Variants in COL5A2 observed in about 807,000 individuals in gnomAD.
The protein encoded by COL5A2 is collagen type V alpha 2 chain.
A neutral mutation model predicts 208.2 loss-of-function variants in COL5A2; 23 were observed. The observed-to-expected ratio is 0.11, with a 90% CI of 0.08 to 0.16. The LOEUF (loss-of-function observed/expected upper bound fraction) is 0.16. Ranked by LOEUF, COL5A2 falls within the 10% of genes least tolerant of loss-of-function variation. The pLI is 1.00. For synonymous variants in COL5A2, 625 were observed against 628.5 expected, an observed-to-expected ratio of 0.99 and a Z score of 0.08; for missense variants, 1,590 against 1,956.4, an observed-to-expected ratio of 0.81 and a Z score of 3.53.
chr2:189,424,032 A>C, the COL5A2 span, among the ~76,000 whole-genome samples: 2 of 152,206 alleles, frequency 1.3e-5, no homozygotes, highest in African/African-American at 4.8e-5. Flanking sequence ...CCAGAAATGC[A>C]AGGATGATTC....
chr2:189,262,876 C>A, the COL5A2 span, among the ~76,000 whole-genome samples: 2 of 152,054 alleles, frequency 1.3e-5, no homozygotes, highest in Non-Finnish European at 2.9e-5. Flanking sequence ...CTGGTTATTG[C>A]AGATGCATTC....
At chr2:189,357,776 A>AAAAC in the COL5A2 span, among the ~76,000 whole-genome samples, 1 of 151,202 alleles carries the variant, frequency 6.6e-6, no homozygotes, top group East Asian at 1.9e-4. Flanking sequence ...AAAAAAAAAA[A>AAAAC]AAAACTCCTG....
At chr2:189,104,970 T>C (rs1687122361) in intron 2 of COL5A2, among the ~76,000 whole-genome samples, 1 of 151,820 alleles carries the variant, frequency 6.6e-6, no homozygotes, top group East Asian at 1.9e-4. Flanking sequence ...TCTATTTAAC[T>C]AATTTTGACC....
chr2:189,267,846 C>T, the COL5A2 span, among the ~76,000 whole-genome samples: 1 of 152,140 alleles, frequency 6.6e-6, no homozygotes, highest in Non-Finnish European at 1.5e-5. Flanking sequence ...GCCAACCAAA[C>T]CCACCACCAA....
At chr2:189,247,621 C>T in the COL5A2 span, among the ~76,000 whole-genome samples, 1 of 150,486 alleles carries the variant, frequency 6.6e-6, no homozygotes, top group East Asian at 1.9e-4. Context: ...TGCTGTGTTG[C>T]CCAGCTGGAG....
intron 25 of COL5A2, among the ~76,000 whole-genome samples, 196 bp downstream of exon 25, chr2:189,064,361 T>TA (rs766364550): frequency 6.3e-4 from 96 of 152,304 alleles, no homozygotes; most frequent in East Asian, 1.9e-4. Flanking sequence ...GACTAGAAGT[T>TA]ACCGTGTTTT....
the COL5A2 span, among the ~76,000 whole-genome samples, chr2:189,306,725 C>T: frequency 6.6e-6 from 1 of 152,198 alleles, no homozygotes; most frequent in African/African-American, 2.4e-5. Context: ...CATTGCTTTT[C>T]ACAGGGACTA....
At chr2:189,067,390 C>T (rs1263777803) in intron 21 of COL5A2, among the ~76,000 whole-genome samples, 1 of 152,002 alleles carries the variant, frequency 6.6e-6, no homozygotes, top group Admixed American at 6.5e-5. Flanking sequence ...GTCACCAGCA[C>T]TTTAAGAGAA....
the COL5A2 span, among the ~76,000 whole-genome samples, chr2:189,409,344 T>C: frequency 1.3e-5 from 2 of 151,710 alleles, no homozygotes; most frequent in Non-Finnish European, 1.5e-5. Context: ...CCTGAGTAAC[T>C]GTGACTACAG....
chr2:189,061,098 C>T (rs1686021197), intron 30 of COL5A2, among the ~76,000 whole-genome samples: 1 of 152,004 alleles, frequency 6.6e-6, no homozygotes, highest in African/African-American at 2.4e-5. Context: ...TTTTAGACTG[C>T]TAGAATATTA....
Position 189,045,970 on chromosome 2 carries a change from G to A in COL5A2, c.3202-63C>T, listed in dbSNP as rs1004344867. On this transcript the variant is annotated intron_variant, in intron 45 of 53. Transcript: ENST00000374866. ...ATTCTAAAACAACAATATTCCATAT[G>A]TTCATGTTATTCTTATAGTATTAAT... 4 of 1,398,396 alleles carry A rather than the reference G, an allele frequency of 2.9e-6. No homozygotes were observed. In the African/African-American group the frequency reaches 4.3e-5, roughly 15 times the overall value. 86.6% of individuals were successfully genotyped at this position (1,398,396 alleles called of 1,614,324 possible).
intron 1 of COL5A2, among the ~76,000 whole-genome samples, chr2:189,166,618 A>T (rs752582204): frequency 7.9e-5 from 12 of 152,208 alleles, no homozygotes; most frequent in Non-Finnish European, 1.5e-4. Flanking sequence ...AAGTAATTTT[A>T]ACATTTGGAT....
the COL5A2 span, among the ~76,000 whole-genome samples, chr2:189,387,885 A>G: frequency 6.6e-6 from 1 of 152,162 alleles, no homozygotes; most frequent in African/African-American, 2.4e-5. Flanking sequence ...CCCAGGCTCA[A>G]GCCAGCCTCC....
chr2:189,106,222 G>A (rs1047427430), intron 2 of COL5A2, among the ~76,000 whole-genome samples: 2 of 151,462 alleles, frequency 1.3e-5, no homozygotes, highest in Admixed American at 1.3e-4. Flanking sequence ...TTATGTGAGT[G>A]TAATGTTTAG....
At chr2:189,393,300 A>T in the COL5A2 span, among the ~76,000 whole-genome samples, 1 of 152,166 alleles carries the variant, frequency 6.6e-6, no homozygotes, top group African/African-American at 2.4e-5. Flanking sequence ...CTTTTAAAAA[A>T]ATAAGTAAAA....
At chr2:189,350,265 G>A in the COL5A2 span, among the ~76,000 whole-genome samples, 1 of 152,076 alleles carries the variant, frequency 6.6e-6, no homozygotes, top group Non-Finnish European at 1.5e-5. Flanking sequence ...ATCAGGAAAC[G>A]ATCAGAAAGA....
intron 7 of COL5A2, among the ~76,000 whole-genome samples, chr2:189,089,186 G>A (rs1391635194): frequency 6.6e-6 from 1 of 152,168 alleles, no homozygotes; most frequent in Non-Finnish European, 1.5e-5. Context: ...AAAGATTCCA[G>A]ATTCCATTTT....
the COL5A2 span, among the ~76,000 whole-genome samples, chr2:189,253,629 T>C: frequency 6.6e-6 from 1 of 152,238 alleles, no homozygotes; most frequent in Non-Finnish European, 1.5e-5. Context: ...TTGATTTCCA[T>C]CTGCTAAAAT....
intron 8 of COL5A2, among the ~76,000 whole-genome samples, chr2:189,088,360 T>A (rs1686709649): frequency 6.6e-6 from 1 of 152,198 alleles, no homozygotes; most frequent in African/African-American, 2.4e-5. Context: ...AAGAGCACCA[T>A]AAAATAGTTC....
Sources: allele counts gnomAD v4.1 joint callset (sites outside exome capture counted in the v4.1 genomes callset), GRCh38; gene constraint gnomAD v4.1.1; transcripts MANE v1.5; gene names NCBI Gene and HGNC (gene_info 2026-07-23, HGNC 2026-07-21).